The following CLMN variants were observed in gnomAD, a reference collection of about 807,000 sequenced individuals.
CLMN encodes calmin (calponin-like, transmembrane).
CLMN carries 57 observed loss-of-function variants against 92.7 expected under a neutral mutation model. The ratio of observed to expected loss-of-function variants is 0.61; its 90% confidence interval spans 0.50 to 0.77. The LOEUF is 0.77. Among genes scored for constraint, CLMN ranks in the 30% least tolerant of loss-of-function variants. CLMN has a pLI of 0.00. For missense variants in CLMN, 1,158 were observed against 1,237.5 expected (o/e 0.94, Z 0.96); for synonymous variants, 466 against 470.6 (o/e 0.99, Z 0.13).
At chr14:95,313,642 A>AC (rs1421273062) in intron 1 of CLMN, among the ~76,000 whole-genome samples, 5 of 129,194 alleles carry the variant, frequency 3.9e-5, no homozygotes, top group Admixed American at 9.3e-5. Context: ...TGTTTAAACA[A>AC]AAAAAAAAAA....
At chr14:95,247,596 G>A (rs1898621088) in intron 1 of CLMN, among the ~76,000 whole-genome samples, 1 of 152,138 alleles carries the variant, frequency 6.6e-6, no homozygotes, top group East Asian at 1.9e-4. Flanking sequence ...TATCATTATG[G>A]TGTGCACACC....
chr14:95,302,476 C>T (rs866830778), intron 1 of CLMN, among the ~76,000 whole-genome samples: 2 of 151,988 alleles, frequency 1.3e-5, no homozygotes, highest in South Asian at 2.1e-4. Flanking sequence ...TCAAAAGAAA[C>T]AGGGGAAATT....
chr14:95,288,510 C>T (rs999103034), intron 1 of CLMN, among the ~76,000 whole-genome samples: 2 of 152,164 alleles, frequency 1.3e-5, no homozygotes, highest in African/African-American at 4.8e-5. Flanking sequence ...CAGGGTTCTG[C>T]TAGGTGATGA....
chr14:95,319,619 G>C lies in CLMN; in HGVS notation c.82+92C>G, dbSNP rs866248441. The stretch of plus-strand genomic sequence containing the variant: ...CAGGAACAACGAGCGGCCGGCGAGC[G>C]GGGGCGGCGCGGGGGAGTTGCCAAG... On this transcript the variant is annotated intron_variant, in intron 1 of 12. Transcript: ENST00000298912. 16 of 1,027,738 alleles carry C rather than the reference G, an allele frequency of 1.6e-5. No individual in the cohort carries two copies. The Middle Eastern group carries it at 1.3e-3, about 82-fold the overall frequency. 63.7% of individuals were successfully genotyped at this position (1,027,738 alleles called of 1,614,324 possible).
chr14:95,306,702 G>T (rs1254406021), intron 1 of CLMN, among the ~76,000 whole-genome samples: 2 of 152,168 alleles, frequency 1.3e-5, no homozygotes, highest in African/African-American at 4.8e-5. Context: ...AGCAGATCAG[G>T]TAAGGAAAAG....
intron 1 of CLMN, among the ~76,000 whole-genome samples, chr14:95,237,345 G>T (rs189864208): frequency 1.3e-5 from 2 of 152,362 alleles, no homozygotes; most frequent in Non-Finnish European, 2.9e-5. Context: ...GAGGCAGCCG[G>T]AGTCAGAGCT....
intron 1 of CLMN, chr14:95,296,037 G>A (rs142280448): frequency 6.6e-6 from 1 of 152,314 alleles, no homozygotes; most frequent in Non-Finnish European, 1.5e-5. Context: ...CCCTCTGGAG[G>A]TTCCAGGGGG....
chr14:95,245,473 C>CGGAT (rs760529305), intron 1 of CLMN, among the ~76,000 whole-genome samples: 21 of 146,340 alleles, frequency 1.4e-4, no homozygotes, highest in East Asian at 2.0e-4. Flanking sequence ...GATGGATGGA[C>CGGAT]GGATGGATGG....
chr14:95,201,165 AT>A (rs1896867176), intron 9 of CLMN, among the ~76,000 whole-genome samples: 8 of 151,722 alleles, frequency 5.3e-5, no homozygotes, highest in Admixed American at 4.6e-4. Flanking sequence ...TAATAAAAAA[AT>A]TTAAAAATAT....
intron 1 of CLMN, among the ~76,000 whole-genome samples, chr14:95,235,036 A>C (rs541323089): frequency 6.6e-6 from 1 of 152,320 alleles, no homozygotes; most frequent in South Asian, 2.1e-4. Flanking sequence ...AAAAAATTAA[A>C]ATACAGAAAA....
intron 1 of CLMN, among the ~76,000 whole-genome samples, chr14:95,230,581 G>T (rs1245632060): frequency 6.6e-6 from 1 of 152,192 alleles, no homozygotes; most frequent in East Asian, 1.9e-4. Context: ...AGGGGCTCTG[G>T]AATGTGCCAC....
chr14:95,223,850 G>C lies in CLMN; in HGVS notation c.150C>G (p.Asn50Lys), dbSNP rs995299654. 3 of 1,610,354 alleles carry C rather than the reference G, an allele frequency of 1.9e-6. No individual in the cohort carries two copies. The highest frequency in any genetic ancestry group is 1.7e-6 in the Non-Finnish European group (2 of 1,178,636). Reference protein sequence around the residue: ...RWINLHLEKCNPPLEVKDLFV... With the variant: ...RWINLHLEKCKPPLEVKDLFV... ...ATAAATCTTTAACTTCTAGAGGTGG[G>C]TTGCACTTTGAAAGAGAAGGGAAGA... The change falls in exon 3 of 13, where the codon AAC becomes AAG. Residue 50 changes from asparagine to lysine, a missense_variant. Transcript: ENST00000298912.
chr14:95,235,633 C>T (rs749788524), intron 1 of CLMN, among the ~76,000 whole-genome samples: 9 of 152,208 alleles, frequency 5.9e-5, no homozygotes, highest in African/African-American at 1.7e-4. Flanking sequence ...CAATGGCCAT[C>T]GGCAAATGGC....
chr14:95,240,939 G>A (rs1898221009), intron 1 of CLMN, among the ~76,000 whole-genome samples: 1 of 152,152 alleles, frequency 6.6e-6, no homozygotes. Flanking sequence ...CTTGGAGAAG[G>A]CCCTTTGTGA....
rs181621704 is a variant in CLMN, at chr14:95,214,740, T to C, written c.417+901A>G. Among the ~76,000 whole-genome samples the C allele has an allele frequency of 1.4e-4, 13 of 91,110 alleles. 1 individual carries two copies. In the Admixed American group the frequency reaches 1.6e-3, roughly 11 times the overall value. The allele number at this position is 91,110 out of a possible 152,430, so 59.8% of individuals were successfully genotyped here. On this transcript the variant is annotated intron_variant, in intron 5 of 12. Transcript: ENST00000298912. ...AACTGAGGCTCTGAGAGAGACAGTA[T>C]TTTTTTTTTTTTAAGTTCATGGTTC...
intron 1 of CLMN, among the ~76,000 whole-genome samples, chr14:95,289,466 A>T (rs543261559): frequency 1.4e-5 from 2 of 139,478 alleles, no homozygotes; most frequent in Admixed American, 7.4e-5. Flanking sequence ...TCTGTCTCAA[A>T]AAATAAATAA....
chr14:95,193,656 T>C (rs999069321), intron 12 of CLMN, among the ~76,000 whole-genome samples, 193 bp downstream of exon 12: 3 of 152,234 alleles, frequency 2.0e-5, no homozygotes, highest in African/African-American at 7.2e-5. Context: ...TGTTAATTAA[T>C]ATCTACTTTT....
intron 5 of CLMN, among the ~76,000 whole-genome samples, chr14:95,214,464 C>G (rs1424271310): frequency 6.8e-6 from 1 of 148,106 alleles, no homozygotes; most frequent in Non-Finnish European, 1.5e-5. Context: ...ATCCTCCAAA[C>G]TCAGCCTTCC....
intron 10 of CLMN, 25 bp downstream of exon 10, chr14:95,196,473 G>C: frequency 6.3e-7 from 1 of 1,593,132 alleles, no homozygotes. Context: ...TCCACCTTAC[G>C]GGTGAAAAGA....
Sources: gnomAD v4.1 joint callset for allele counts (sites outside exome capture counted in the v4.1 genomes callset) on GRCh38, gnomAD v4.1.1 for gene constraint, MANE v1.5 for transcripts, NCBI Gene and HGNC (gene_info 2026-07-23, HGNC 2026-07-21) for gene names.